The following MECOM variants were observed in gnomAD, a reference collection of about 807,000 sequenced individuals.
MECOM encodes histone-lysine N-methyltransferase MECOM.
A neutral mutation model predicts 116.3 loss-of-function variants in MECOM; 13 were observed. The ratio of observed to expected loss-of-function variants is 0.11; its 90% CI spans 0.07 to 0.18. The LOEUF (loss-of-function observed/expected upper bound fraction) is 0.18. Among genes scored for constraint, MECOM ranks in the 10% least tolerant of loss-of-function variants. The pLI, the probability that MECOM is intolerant of heterozygous loss-of-function variation, is 1.00. For missense variants in MECOM, 1,299 were observed against 1,509.0 expected, an observed-to-expected ratio of 0.86 and a Z score of 2.31; for synonymous variants, 528 against 535.2, an observed-to-expected ratio of 0.99 and a Z score of 0.19.
intron 1 of MECOM, among the ~76,000 whole-genome samples, chr3:169,448,496 T>G (rs1472126740): frequency 6.6e-6 from 1 of 152,202 alleles, no homozygotes; most frequent in Non-Finnish European, 1.5e-5. Flanking sequence ...AGATTTTTAA[T>G]TCAGTGTACA....
chr3:169,377,435 T>C (rs1193538651), intron 2 of MECOM, among the ~76,000 whole-genome samples: 2 of 152,194 alleles, frequency 1.3e-5, no homozygotes, highest in Middle Eastern at 6.8e-3. Context: ...TGACAAAGGG[T>C]AATGTCCCAA....
intron 1 of MECOM, among the ~76,000 whole-genome samples, chr3:169,400,842 G>A (rs1272101015): frequency 6.6e-6 from 1 of 152,126 alleles, no homozygotes; most frequent in Non-Finnish European, 1.5e-5. Flanking sequence ...CCAGAAACAG[G>A]GGACACAAAA....
In MECOM at chr3:169,112,842, T is replaced by G. The variant is rs1409123261; in HGVS notation, c.2522A>C (p.Glu841Ala). 1 of 1,613,042 alleles carries G rather than the reference T, an allele frequency of 6.2e-7. No individual in the cohort carries two copies. Among genetic ancestry groups the G allele is most frequent in the East Asian group, 2.2e-5 (1 of 44,800 alleles). ...CCTCAAGTATTTCTCTTTTAAAGCTTCAAGTGGGTCAGTTAGTTTTCTTTT... is the reference window on the plus strand; with the variant it reads ...CCTCAAGTATTTCTCTTTTAAAGCTGCAAGTGGGTCAGTTAGTTTTCTTTT... Reference protein sequence around the residue: ...VEKRKLTDPLEALKEKYLRPS... With the variant: ...VEKRKLTDPLAALKEKYLRPS... The change falls in exon 9 of 17, where the codon GAA (glutamate) becomes GCA (alanine). Residue 841 changes from glutamate to alanine, a missense_variant. By Grantham distance (107) the Glu-to-Ala change is moderately radical. Transcript: ENST00000651503.
At chr3:169,511,399 G>T (rs1755934229) in intron 1 of MECOM, among the ~76,000 whole-genome samples, 1 of 152,138 alleles carries the variant, frequency 6.6e-6, no homozygotes, top group African/African-American at 2.4e-5. Context: ...GAAAGTTCAG[G>T]CTAAAACCAA....
At chr3:169,524,039 AAT>A (rs10575336) in intron 1 of MECOM, among the ~76,000 whole-genome samples, 14,887 of 138,114 alleles carry the variant, frequency 0.11, 1,313 homozygotes, top group East Asian at 0.27. Flanking sequence ...TATATGAATA[AAT>A]ATATATATAT....
rs539065107 is a variant in MECOM, at chr3:169,490,819, A to G, written c.38-109295T>C. Among the ~76,000 whole-genome samples the G allele has an allele frequency of 3.1e-4, 47 of 152,326 alleles. 2 individuals are homozygous for G. The South Asian group carries it at 9.3e-3, about 30-fold the overall frequency. ...AAGAGAGTTTGTTAGTAGATATGCA[A>G]AATGTTAATATTTGAGTATATAGGT... On this transcript the variant is annotated intron_variant, in intron 1 of 16. Coordinates refer to ENST00000651503, the MANE Select transcript of MECOM (RefSeq NM_004991.4).
intron 2 of MECOM, among the ~76,000 whole-genome samples, chr3:169,189,043 G>T (rs555722474): frequency 1.3e-5 from 2 of 152,008 alleles, no homozygotes; most frequent in Non-Finnish European, 2.9e-5. Flanking sequence ...CATCATCAAA[G>T]AAATATGTTC....
chr3:169,344,992 G>A (rs1395681233), intron 2 of MECOM, among the ~76,000 whole-genome samples: 3 of 152,164 alleles, frequency 2.0e-5, no homozygotes, highest in African/African-American at 7.2e-5. Context: ...AGTTCTTAGA[G>A]TTTATCCCTG....
chr3:169,346,077 A>G (rs1401734306), intron 2 of MECOM, among the ~76,000 whole-genome samples: 1 of 152,132 alleles, frequency 6.6e-6, no homozygotes, highest in African/African-American at 2.4e-5. Flanking sequence ...CAAATTGCTC[A>G]TGCAGAGGGT....
chr3:169,495,730 G>A (rs1753730023), intron 1 of MECOM, among the ~76,000 whole-genome samples: 1 of 152,124 alleles, frequency 6.6e-6, no homozygotes, highest in South Asian at 2.1e-4. Context: ...CTATGAACCA[G>A]TCACTCACAA....
intron 2 of MECOM, among the ~76,000 whole-genome samples, chr3:169,378,511 AAGAAAAG>A (rs1282820695): frequency 6.4e-5 from 2 of 31,044 alleles, no homozygotes; most frequent in East Asian, 7.9e-4. Flanking sequence ...GAAAGAAAGA[AAGAAAAG>A]AAAGAAAGAA....
At chr3:169,263,100 TATATATATATATATATATATATATA>T (rs1757766980) in intron 2 of MECOM, among the ~76,000 whole-genome samples, 1 of 70,132 alleles carries the variant, frequency 1.4e-5, no homozygotes, top group African/African-American at 8.4e-5. Flanking sequence ...TATATATATA[TATATATATATATATATATATATATA>T]TATGTTTTTT....
chr3:169,374,127 T>TTC (rs1231971291), intron 2 of MECOM, among the ~76,000 whole-genome samples: 1 of 151,312 alleles, frequency 6.6e-6, no homozygotes, highest in African/African-American at 2.4e-5. Flanking sequence ...AGAGAGCTTG[T>TTC]TCTCTCTCTC....
intron 1 of MECOM, among the ~76,000 whole-genome samples, chr3:169,597,985 G>A (rs1767337789): frequency 6.6e-6 from 1 of 152,074 alleles, no homozygotes; most frequent in South Asian, 2.1e-4. Context: ...TCAGATAATT[G>A]GCACTTCCAG....
At chr3:169,656,560 A>G (rs1051822369) in intron 1 of MECOM, among the ~76,000 whole-genome samples, 2 of 152,184 alleles carry the variant, frequency 1.3e-5, no homozygotes, top group African/African-American at 2.4e-5. Flanking sequence ...GCCGAAGAGT[A>G]TGGTTCCAAG....
chr3:169,439,439 A>G (rs1436306442), intron 1 of MECOM, among the ~76,000 whole-genome samples: 1 of 151,580 alleles, frequency 6.6e-6, no homozygotes, highest in Non-Finnish European at 1.5e-5. Context: ...TAAGACTAAA[A>G]CAAAAACTCA....
chr3:169,656,360 G>A (rs900469598), intron 1 of MECOM, among the ~76,000 whole-genome samples: 10 of 152,076 alleles, frequency 6.6e-5, no homozygotes, highest in African/African-American at 2.4e-4. Flanking sequence ...AAAGTCAGTA[G>A]TCAAGAATTT....
At chr3:169,655,810 G>T (rs939028509) in intron 1 of MECOM, among the ~76,000 whole-genome samples, 4 of 152,290 alleles carry the variant, frequency 2.6e-5, no homozygotes, top group African/African-American at 9.6e-5. Flanking sequence ...TTCTTCTTCA[G>T]AAAATTTAAC....
intron 2 of MECOM, among the ~76,000 whole-genome samples, chr3:169,360,318 C>CAAAAAAAA (rs1301938843): frequency 1.6e-5 from 1 of 63,752 alleles, no homozygotes; most frequent in Non-Finnish European, 3.0e-5. Context: ...AAAAGTTACA[C>CAAAAAAAA]CAAAAAAAAA....
Sources: gnomAD v4.1 joint callset for allele counts (sites outside exome capture counted in the v4.1 genomes callset) on GRCh38, gnomAD v4.1.1 for gene constraint, MANE v1.5 for transcripts, NCBI Gene and HGNC (gene_info 2026-07-23, HGNC 2026-07-21) for gene names.